RABGEF1: variants seen among roughly 807,000 people sequenced by gnomAD.
RABGEF1 encodes the protein RAB guanine nucleotide exchange factor 1.
In RABGEF1, 26 loss-of-function variants were observed where a neutral mutation model predicts 57.3. The observed-to-expected ratio is 0.45, with a 90% CI of 0.33 to 0.63. The LOEUF (loss-of-function observed/expected upper bound fraction) is 0.63, where lower values mean the gene tolerates loss of function less well. RABGEF1 is among the 20% of genes least tolerant of loss of function. RABGEF1 has a pLI of 0.02. For synonymous variants in RABGEF1, 185 were observed against 210.7 expected, an observed-to-expected ratio of 0.88 and a Z score of 1.06; for missense variants, 464 against 607.6, an observed-to-expected ratio of 0.76 and a Z score of 2.48.
intron 1 of RABGEF1, chr7:66,756,161 A>G (rs1307146399): frequency 6.9e-6 from 6 of 863,836 alleles, no homozygotes; most frequent in Non-Finnish European, 1.0e-5. Flanking sequence ...AAAATCAGTT[A>G]TTCAAAGAAA....
chr7:66,659,298 G>C, the RABGEF1 span, among the ~76,000 whole-genome samples: 1 of 151,448 alleles, frequency 6.6e-6, no homozygotes, highest in Non-Finnish European at 1.5e-5. Flanking sequence ...TAAAAATAAA[G>C]AAAATTAGCT....
the RABGEF1 span, among the ~76,000 whole-genome samples, chr7:66,656,820 C>CAA: frequency 2.6e-4 from 19 of 73,788 alleles, no homozygotes; most frequent in East Asian, 1.2e-3. Flanking sequence ...AACTGCATCT[C>CAA]AAAAAAAAAA....
intron 6 of RABGEF1, among the ~76,000 whole-genome samples, chr7:66,798,414 C>T (rs113590650): frequency 0.019 from 2,966 of 152,256 alleles, 46 homozygotes; most frequent in Middle Eastern, 0.041. Context: ...CTTGCTAGAT[C>T]TGTATTGGAA....
intron 4 of RABGEF1, among the ~76,000 whole-genome samples, chr7:66,794,720 A>G (rs1208159925): frequency 6.6e-6 from 1 of 152,166 alleles, no homozygotes; most frequent in African/African-American, 2.4e-5. Flanking sequence ...GGTTAATGCC[A>G]CTTTTGGAAA....
At chr7:66,731,234 G>A (rs1353175888) in intron 2 of RABGEF1, among the ~76,000 whole-genome samples, 3 of 152,162 alleles carry the variant, frequency 2.0e-5, no homozygotes, top group Admixed American at 6.5e-5. Flanking sequence ...TCCTTGAGGA[G>A]TTCAAGGGCA....
intron 4 of RABGEF1, among the ~76,000 whole-genome samples, chr7:66,788,749 C>T (rs951971140): frequency 1.4e-4 from 21 of 151,768 alleles, no homozygotes; most frequent in East Asian, 1.9e-4. Flanking sequence ...GAAGCCAATG[C>T]GGGTGGATCA....
At chr7:66,787,499 A>G (rs1171902820) in intron 4 of RABGEF1, among the ~76,000 whole-genome samples, 1 of 151,868 alleles carries the variant, frequency 6.6e-6, no homozygotes, top group Non-Finnish European at 1.5e-5. Flanking sequence ...GTGCACCACC[A>G]TGCCGAGCTA....
At chr7:66,671,609 C>T in the RABGEF1 span, among the ~76,000 whole-genome samples, 3 of 152,044 alleles carry the variant, frequency 2.0e-5, no homozygotes, top group Non-Finnish European at 2.9e-5. Flanking sequence ...TTTAAAAAAC[C>T]TCTGTTGTTC....
chr7:66,788,546 C>G (rs1402969276), intron 4 of RABGEF1, among the ~76,000 whole-genome samples: 3 of 152,060 alleles, frequency 2.0e-5, no homozygotes, highest in African/African-American at 2.4e-5. Context: ...CCTTAATACT[C>G]CATTCATGGC....
intron 1 of RABGEF1, among the ~76,000 whole-genome samples, chr7:66,711,464 A>G (rs1448171656): frequency 6.6e-6 from 1 of 151,644 alleles, no homozygotes; most frequent in African/African-American, 2.4e-5. Flanking sequence ...TATTTTTGCC[A>G]AACAATATCC....
the RABGEF1 span, among the ~76,000 whole-genome samples, chr7:66,662,751 G>C: frequency 6.6e-6 from 1 of 152,022 alleles, no homozygotes; most frequent in African/African-American, 2.4e-5. Context: ...GCAGGCACGT[G>C]TGTGCAGGTG....
the RABGEF1 span, among the ~76,000 whole-genome samples, chr7:66,657,094 G>T: frequency 6.6e-6 from 1 of 152,144 alleles, no homozygotes; most frequent in African/African-American, 2.4e-5. Flanking sequence ...ATAATACAGA[G>T]ACCAGATCAA....
intron 4 of RABGEF1, among the ~76,000 whole-genome samples, chr7:66,792,799 G>A (rs1211422891): frequency 3.9e-5 from 6 of 152,154 alleles, no homozygotes; most frequent in Non-Finnish European, 7.3e-5. Context: ...CACTAACCCT[G>A]TGCCTGGCCT....
At chr7:66,770,352 TG>T (rs1172739943) in intron 1 of RABGEF1, 1 of 152,216 alleles carries the variant, frequency 6.6e-6, no homozygotes, top group East Asian at 1.9e-4. Flanking sequence ...ATGAAGACCA[TG>T]TGGTTTCAGT....
intron 1 of RABGEF1, among the ~76,000 whole-genome samples, chr7:66,759,032 T>C (rs769671603): frequency 7.2e-5 from 11 of 152,212 alleles, no homozygotes; most frequent in Non-Finnish European, 1.5e-4. Context: ...AGGAAATTGA[T>C]ATTTGTGCAA....
chr7:66,687,513 AAAG>A (rs1052099524), intron 1 of RABGEF1, among the ~76,000 whole-genome samples: 70 of 151,952 alleles, frequency 4.6e-4, no homozygotes, highest in African/African-American at 1.6e-3. Flanking sequence ...AGAAAAAAGA[AAAG>A]AAGAAGAAGA....
intron 8 of RABGEF1, among the ~76,000 whole-genome samples, chr7:66,807,638 T>G (rs966781775): frequency 6.6e-6 from 1 of 152,198 alleles, no homozygotes; most frequent in African/African-American, 2.4e-5. Flanking sequence ...CCCCTTCAGA[T>G]GTTTGTTTCT....
At chr7:66,805,422 T>C (rs201223322) in intron 8 of RABGEF1, 26 bp downstream of exon 8, 135 of 1,612,064 alleles carry the variant, frequency 8.4e-5, no homozygotes, top group Non-Finnish European at 5.6e-5. Flanking sequence ...CTTGGTGTTG[T>C]GGAGAAGGAC....
At chr7:66,660,780 A>G in the RABGEF1 span, among the ~76,000 whole-genome samples, 1 of 152,262 alleles carries the variant, frequency 6.6e-6, no homozygotes, top group Non-Finnish European at 1.5e-5. Context: ...AATCCTTTGC[A>G]AACTCTTTCA....
Sources: gnomAD v4.1 joint callset for allele counts (sites outside exome capture counted in the v4.1 genomes callset) on GRCh38, gnomAD v4.1.1 for gene constraint, MANE v1.5 for transcripts, NCBI Gene and HGNC (gene_info 2026-07-23, HGNC 2026-07-21) for gene names.